The following CHD6 variants were observed in gnomAD, a reference collection of about 807,000 sequenced individuals.
The protein encoded by CHD6 is ATP-dependent chromatin remodeler CHD6.
In CHD6, 50 loss-of-function variants were observed where a neutral mutation model predicts 276.9. The ratio of observed to expected loss-of-function variants is 0.18; its 90% confidence interval spans 0.14 to 0.23. CHD6 has a LOEUF of 0.23. Ranked by LOEUF, CHD6 falls within the 10% of genes least tolerant of loss-of-function variation. The pLI, the probability that CHD6 is intolerant of heterozygous loss-of-function variation, is 1.00. For synonymous variants in CHD6, 1,173 were observed against 1,229.3 expected (o/e 0.95, Z 0.96); for missense variants, 2,564 against 3,365.8 (o/e 0.76, Z 5.89).
chr20:41,554,732 G>C (rs1388024122), intron 1 of CHD6, among the ~76,000 whole-genome samples: 1 of 151,280 alleles, frequency 6.6e-6, no homozygotes, highest in African/African-American at 2.4e-5. Context: ...AACAGGATAA[G>C]AATTTTTCTT....
chr20:41,615,343 C>T (rs944029180), intron 1 of CHD6, among the ~76,000 whole-genome samples: 3 of 133,026 alleles, frequency 2.3e-5, no homozygotes, highest in African/African-American at 6.7e-5. Context: ...ATGTCACATT[C>T]CATTGCAAAA....
At chr20:41,460,510 C>G (rs538380797) in intron 17 of CHD6, among the ~76,000 whole-genome samples, 1 of 152,302 alleles carries the variant, frequency 6.6e-6, no homozygotes, top group East Asian at 1.9e-4. Flanking sequence ...GACTTGTTGC[C>G]CTGTCCCAAC....
chr20:41,569,801 C>T (rs957906974), intron 1 of CHD6, among the ~76,000 whole-genome samples: 2 of 152,078 alleles, frequency 1.3e-5, no homozygotes, highest in African/African-American at 4.8e-5. Flanking sequence ...TATACTGTAT[C>T]AGAGATGATT....
intron 5 of CHD6, 63 bp downstream of exon 5, chr20:41,512,782 CG>C: frequency 6.3e-7 from 1 of 1,582,226 alleles, no homozygotes; most frequent in Non-Finnish European, 8.7e-7. Context: ...CCAAGAAACA[CG>C]TCTGTCATCT....
rs148948011 is a variant in CHD6, at chr20:41,453,079, C to T, written c.3121-137G>A. On this transcript the variant is annotated intron_variant, in intron 20 of 36. Transcript: ENST00000373233. ...CTCCAGCACGAAGGGCTATTCCCAG[C>T]ACACCTGCTGTCTCCATGACCACAG... 350 of 667,952 alleles carry T rather than the reference C, an allele frequency of 5.2e-4. No homozygotes were observed. The African/African-American group carries it at 5.3e-3, about 10-fold the overall frequency. 41.4% of individuals were successfully genotyped at this position (667,952 alleles called of 1,614,324 possible).
chr20:41,444,189 G>A (rs2047991778), intron 25 of CHD6, among the ~76,000 whole-genome samples: 1 of 152,148 alleles, frequency 6.6e-6, no homozygotes, highest in African/African-American at 2.4e-5. Context: ...AACCAAGTCT[G>A]GGTTGCACTG....
intron 5 of CHD6, among the ~76,000 whole-genome samples, chr20:41,502,782 G>A (rs1445867967): frequency 6.6e-6 from 1 of 152,162 alleles, no homozygotes; most frequent in Non-Finnish European, 1.5e-5. Flanking sequence ...GAGGCAGGTG[G>A]GTCACTTGAG....
chr20:41,515,308 T>A (rs917160032), intron 3 of CHD6, among the ~76,000 whole-genome samples: 1 of 152,238 alleles, frequency 6.6e-6, no homozygotes, highest in Non-Finnish European at 1.5e-5. Context: ...CCTTTAAGTT[T>A]CTTAGGAAGA....
chr20:41,522,490 TC>T (rs1311259968), intron 3 of CHD6, among the ~76,000 whole-genome samples: 1 of 152,148 alleles, frequency 6.6e-6, no homozygotes, highest in Non-Finnish European at 1.5e-5. Flanking sequence ...TTAAAATGTC[TC>T]CCTGCAGATT....
At chr20:41,445,599 G>A (rs2145627277) in intron 25 of CHD6, 66 bp downstream of exon 25, 1 of 975,000 alleles carries the variant, frequency 1.0e-6, no homozygotes, top group Middle Eastern at 2.2e-4. Context: ...CTTAGTTGGA[G>A]GGGCTGAACT....
chr20:41,419,474 G>A (rs1297659330), intron 31 of CHD6, among the ~76,000 whole-genome samples: 3 of 137,192 alleles, frequency 2.2e-5, no homozygotes, highest in African/African-American at 8.1e-5. Flanking sequence ...TTGGGATGTT[G>A]AACCCAGGAG....
intron 27 of CHD6, among the ~76,000 whole-genome samples, chr20:41,436,298 CACA>C (rs955862570): frequency 2.6e-5 from 4 of 152,102 alleles, no homozygotes; most frequent in Non-Finnish European, 5.9e-5. Context: ...AAATTAAAAT[CACA>C]ACAAGGTATT....
chr20:41,613,893 C>T (rs986480503), intron 1 of CHD6, among the ~76,000 whole-genome samples: 2 of 151,720 alleles, frequency 1.3e-5, no homozygotes, highest in African/African-American at 2.4e-5. Flanking sequence ...TAGGGGTCCA[C>T]GAACTGCAGG....
At chr20:41,435,690 CA>C (rs2047685366) in intron 27 of CHD6, among the ~76,000 whole-genome samples, 1 of 151,542 alleles carries the variant, frequency 6.6e-6, no homozygotes, top group Non-Finnish European at 1.5e-5. Flanking sequence ...CAATTCTCCC[CA>C]AAGAGATATA....
chr20:41,475,371 A>T (rs2043145604), intron 16 of CHD6, among the ~76,000 whole-genome samples: 1 of 152,366 alleles, frequency 6.6e-6, no homozygotes, highest in East Asian at 1.9e-4. Flanking sequence ...CATTTGACTT[A>T]AAGCTTTCAC....
chr20:41,581,273 C>T (rs1253192271), intron 1 of CHD6, among the ~76,000 whole-genome samples: 2 of 152,210 alleles, frequency 1.3e-5, no homozygotes, highest in South Asian at 2.1e-4. Context: ...AGTAACTTGC[C>T]AAAGATAACA....
At chr20:41,469,296 A>G (rs1600938981) in intron 17 of CHD6, among the ~76,000 whole-genome samples, 2 of 152,164 alleles carry the variant, frequency 1.3e-5, no homozygotes, top group Non-Finnish European at 2.9e-5. Context: ...AGAACTGTGC[A>G]GCCCACCGTT....
chr20:41,478,248 T>A (rs574505160), intron 16 of CHD6, among the ~76,000 whole-genome samples: 1 of 152,060 alleles, frequency 6.6e-6, no homozygotes, highest in Admixed American at 6.6e-5. Context: ...GCCTAAGATA[T>A]CAGACATGAG....
intron 17 of CHD6, among the ~76,000 whole-genome samples, chr20:41,462,876 T>C (rs2042835197): frequency 6.6e-6 from 1 of 152,176 alleles, no homozygotes; most frequent in South Asian, 2.1e-4. Flanking sequence ...ATCATTGCAG[T>C]AGCAATGAAC....
Sources: gnomAD v4.1 joint callset for allele counts (sites outside exome capture counted in the v4.1 genomes callset) on GRCh38, gnomAD v4.1.1 for gene constraint, MANE v1.5 for transcripts, NCBI Gene and HGNC (gene_info 2026-07-23, HGNC 2026-07-21) for gene names.